The following MALRD1 variants were observed in gnomAD, a reference collection of about 807,000 sequenced individuals.
MALRD1 encodes MAM and LDL-receptor class A domain-containing protein 1.
MALRD1 carries 247 observed loss-of-function variants against 242.1 expected under a neutral mutation model. That is an observed-to-expected ratio of 1.02 (90% CI 0.92 to 1.13). The LOEUF (loss-of-function observed/expected upper bound fraction) is 1.13. Ranked by LOEUF, MALRD1 falls within the 50% of genes most tolerant of loss-of-function variation. The pLI is 0.00. For synonymous variants in MALRD1, 995 were observed against 866.6 expected, an observed-to-expected ratio of 1.15 and a Z score of -2.60; for missense variants, 2,989 against 2,533.1, an observed-to-expected ratio of 1.18 and a Z score of -3.86.
At chr10:19,586,481 G>A (rs779701892) in intron 33 of MALRD1, among the ~76,000 whole-genome samples, 4 of 152,000 alleles carry the variant, frequency 2.6e-5, no homozygotes, top group South Asian at 2.1e-4. Flanking sequence ...TGGAGTACCC[G>A]GCCGTGTGAG....
chr10:19,104,214 A>G, intron 5 of MALRD1, 139 bp downstream of exon 5: 2 of 454,320 alleles, frequency 4.4e-6, no homozygotes, highest in African/African-American at 2.0e-5. Context: ...AATACATTGT[A>G]TAACAGTGAC....
At chr10:19,327,411 A>T (rs947794761) in intron 22 of MALRD1, among the ~76,000 whole-genome samples, 152 bp from the exon 23 acceptor site, 152 of 152,060 alleles carry the variant, frequency 1.0e-3, no homozygotes, top group Admixed American at 6.6e-4. Context: ...TAGAAAACAA[A>T]GATATCTAAT....
intron 7 of MALRD1, among the ~76,000 whole-genome samples, chr10:19,127,460 C>T (rs1837318171): frequency 6.6e-6 from 1 of 152,042 alleles, no homozygotes; most frequent in Non-Finnish European, 1.5e-5. Flanking sequence ...TTTTGTCTTT[C>T]TTGTTGTATT....
At chr10:19,285,467 A>G (rs1381056359) in intron 21 of MALRD1, among the ~76,000 whole-genome samples, 1 of 151,614 alleles carries the variant, frequency 6.6e-6, no homozygotes, top group Non-Finnish European at 1.5e-5. Flanking sequence ...AGCTTTCTAC[A>G]TATGGCTAGC....
chr10:19,467,405 AAAAAAAAG>A (rs1836273483), intron 29 of MALRD1, among the ~76,000 whole-genome samples: 1 of 150,086 alleles, frequency 6.7e-6, no homozygotes, highest in Non-Finnish European at 1.5e-5. Flanking sequence ...AAAAAAAAAA[AAAAAAAAG>A]AAAAAGACCT....
intron 18 of MALRD1, among the ~76,000 whole-genome samples, chr10:19,214,077 C>A (rs1490514877): frequency 6.6e-6 from 1 of 152,146 alleles, no homozygotes; most frequent in African/African-American, 2.4e-5. Context: ...CTATGCCTGT[C>A]CTAACAATTA....
chr10:19,125,263 CTTTCTCTT>C (rs1285803802), intron 7 of MALRD1, among the ~76,000 whole-genome samples: 3 of 150,316 alleles, frequency 2.0e-5, no homozygotes, highest in Non-Finnish European at 4.4e-5. Flanking sequence ...CCAGCTCTTT[CTTTCTCTT>C]TCTTTCTTTC....
chr10:19,604,577 G>T (rs527993436), intron 34 of MALRD1, among the ~76,000 whole-genome samples: 2 of 152,248 alleles, frequency 1.3e-5, no homozygotes, highest in African/African-American at 4.8e-5. Flanking sequence ...AGATGGAGAA[G>T]CTGTACCAAG....
At chr10:19,383,411 T>A (rs536646733) in intron 26 of MALRD1, among the ~76,000 whole-genome samples, 26 of 152,292 alleles carry the variant, frequency 1.7e-4, no homozygotes, top group Admixed American at 1.5e-3. Flanking sequence ...CATAGAATTC[T>A]CTGGTAAATA....
intron 29 of MALRD1, among the ~76,000 whole-genome samples, chr10:19,482,950 AT>A (rs1322897924): frequency 6.6e-6 from 1 of 152,004 alleles, no homozygotes; most frequent in Non-Finnish European, 1.5e-5. Context: ...CTATCCTAAA[AT>A]CCATATGGAA....
intron 29 of MALRD1, among the ~76,000 whole-genome samples, chr10:19,468,215 G>A (rs1836319273): frequency 6.6e-6 from 1 of 152,104 alleles, no homozygotes; most frequent in Middle Eastern, 3.2e-3. Context: ...CCACTCTGGT[G>A]GAAACTAAAC....
intron 35 of MALRD1, among the ~76,000 whole-genome samples, chr10:19,611,009 C>A (rs1306433444): frequency 6.6e-6 from 1 of 151,762 alleles, no homozygotes; most frequent in African/African-American, 2.4e-5. Flanking sequence ...ATGGAGAGAA[C>A]AAGATCGAGG....
At chr10:19,360,442 T>C (rs2130702531) in intron 26 of MALRD1, among the ~76,000 whole-genome samples, 1 of 152,256 alleles carries the variant, frequency 6.6e-6, no homozygotes, top group East Asian at 1.9e-4. Flanking sequence ...ACCTGCTTTT[T>C]TGTATATTTG....
chr10:19,597,468 A>T (rs983237768), intron 34 of MALRD1, among the ~76,000 whole-genome samples: 1 of 152,196 alleles, frequency 6.6e-6, no homozygotes, highest in East Asian at 1.9e-4. Flanking sequence ...TCTAGAGCAA[A>T]ATTATAGAAT....
intron 28 of MALRD1, among the ~76,000 whole-genome samples, chr10:19,429,048 A>G (rs1159929447): frequency 2.0e-5 from 3 of 152,242 alleles, no homozygotes; most frequent in Non-Finnish European, 1.5e-5. Flanking sequence ...TTACTGGGCT[A>G]TTACACCTAG....
At chr10:19,189,072 CAAAG>C (rs1011275620) in intron 14 of MALRD1, among the ~76,000 whole-genome samples, 2 of 151,314 alleles carry the variant, frequency 1.3e-5, no homozygotes, top group African/African-American at 2.4e-5. Flanking sequence ...GAGGGAGAGA[CAAAG>C]AGAGAGAGAA....
At chr10:19,305,969 C>G (rs1195503878) in intron 21 of MALRD1, among the ~76,000 whole-genome samples, 1 of 119,758 alleles carries the variant, frequency 8.4e-6, no homozygotes, top group African/African-American at 3.4e-5. Flanking sequence ...ACTATATATA[C>G]TATGCTATAT....
At chr10:19,175,467 T>A (rs1276388017) in intron 14 of MALRD1, 139 bp downstream of exon 14, 1 of 208,454 alleles carries the variant, frequency 4.8e-6, no homozygotes, top group East Asian at 1.4e-4. Context: ...ACCTAAAATA[T>A]ATATATATAT....
chr10:19,309,451 C>G, intron 21 of MALRD1, among the ~76,000 whole-genome samples: 1 of 151,470 alleles, frequency 6.6e-6, no homozygotes, highest in East Asian at 1.9e-4. Flanking sequence ...GGGTTCTCTA[C>G]AGTATATCTG....
Sources: allele counts gnomAD v4.1 joint callset (sites outside exome capture counted in the v4.1 genomes callset), GRCh38; gene constraint gnomAD v4.1.1; transcripts MANE v1.5; gene names NCBI Gene and HGNC (gene_info 2026-07-23, HGNC 2026-07-21).